The following RNF213 variants were observed in gnomAD, a reference collection of about 807,000 sequenced individuals.
RNF213 encodes the protein ring finger protein 213.
Under a neutral mutation model 514.4 loss-of-function variants are expected in RNF213, and 341 were observed. The ratio of observed to expected loss-of-function variants is 0.66; its 90% CI spans 0.61 to 0.73. The LOEUF (loss-of-function observed/expected upper bound fraction) is 0.73, where lower values mean the gene tolerates loss of function less well. Among genes scored for constraint, RNF213 ranks in the 30% least tolerant of loss-of-function variants. The pLI, the probability that RNF213 is intolerant of heterozygous loss-of-function variation, is 0.00. For synonymous variants in RNF213, 2,655 were observed against 2,658.2 expected (o/e 1.00, Z 0.04); for missense variants, 5,767 against 6,615.6 (o/e 0.87, Z 4.45).
Position 80,278,759 on chromosome 17 carries a change from A to G in RNF213, c.261+5355A>G, listed in dbSNP as rs766192207. The G allele has an allele frequency of 2.0e-6, 3 of 1,537,114 alleles. 1 individual carries two copies. In the South Asian group the frequency reaches 3.6e-5, roughly 18 times the overall value. On this transcript the variant is annotated intron_variant, in intron 3 of 67. Transcript: ENST00000582970. ...CCCTGTCTGAAGGGGGTCGTGTTTC[A>G]ACAGGGAGCTACATCAGAGGTTTTG...
At chr17:80,337,006 C>T (rs1408079977) in intron 23 of RNF213, 1 of 165,254 alleles carries the variant, frequency 6.1e-6, no homozygotes, top group African/African-American at 2.4e-5. Context: ...CTGGGCCAGC[C>T]TCCGGACGGC....
chr17:80,363,320 G>A lies in RNF213; in HGVS notation c.11568+6G>A, dbSNP rs780258653. 11 of 1,612,512 alleles carry A rather than the reference G, an allele frequency of 6.8e-6. No individual in the cohort carries two copies. Among genetic ancestry groups the A allele is most frequent in the Non-Finnish European group, 9.3e-6 (11 of 1,179,290 alleles). ...AGCTGGCTGGATGTGAGATGGTATG[G>A]CCCTCCTCCGCCTGCCCTGAGCAAG... is the stretch of plus-strand genomic sequence containing the variant. On this transcript the variant is annotated splice_donor_region_variant and intron_variant, in intron 40 of 67. Transcript: ENST00000582970.
intron 41 of RNF213, among the ~76,000 whole-genome samples, chr17:80,364,124 A>G (rs376794931): frequency 6.6e-6 from 1 of 152,304 alleles, no homozygotes; most frequent in South Asian, 2.1e-4. Context: ...ACAGGCCCTC[A>G]GGGCCAGAGT....
chr17:80,280,842 A>T (rs552383588), intron 3 of RNF213, among the ~76,000 whole-genome samples: 27 of 152,174 alleles, frequency 1.8e-4, no homozygotes, highest in African/African-American at 6.3e-4. Context: ...TGGATGGGAG[A>T]TTTATAGTAA....
intron 8 of RNF213, 106 bp downstream of exon 8, chr17:80,291,933 G>A (rs2044745888): frequency 3.2e-6 from 4 of 1,246,108 alleles, no homozygotes; most frequent in Non-Finnish European, 3.4e-6. Flanking sequence ...CCTGGGCAGT[G>A]AGGTCCTCTT....
intron 11 of RNF213, among the ~76,000 whole-genome samples, chr17:80,304,873 A>G (rs2045303943): frequency 6.7e-6 from 1 of 148,798 alleles, no homozygotes. Context: ...CGACCTCCAC[A>G]CTCCCCCTCC....
At chr17:80,376,216 T>G in intron 51 of RNF213, 85 bp from the exon 52 acceptor site, 1 of 1,459,652 alleles carries the variant, frequency 6.9e-7, no homozygotes, top group Non-Finnish European at 9.6e-7. Flanking sequence ...TGATATTTGA[T>G]GTGTATTTGG....
chr17:80,319,042 C>T, intron 16 of RNF213, 148 bp from the exon 17 acceptor site: 1 of 1,561,008 alleles, frequency 6.4e-7, no homozygotes, highest in Non-Finnish European at 8.7e-7. Flanking sequence ...GCAGGGAGGA[C>T]ATGCTTTGCG....
intron 39 of RNF213, among the ~76,000 whole-genome samples, 169 bp from the exon 40 acceptor site, chr17:80,362,933 G>A (rs958013487): frequency 2.0e-5 from 3 of 152,212 alleles, no homozygotes; most frequent in African/African-American, 2.4e-5. Flanking sequence ...TGACCTTAAC[G>A]TGGGAGGAGA....
Position 80,317,130 on chromosome 17 carries a change from G to A in RNF213, c.2812-58G>A. On this transcript the variant is annotated intron_variant, in intron 15 of 67. Coordinates refer to ENST00000582970, the MANE Select transcript of RNF213 (RefSeq NM_001256071.3). This position sits in a 1 kb window ranked among gnomAD's most constrained non-coding sequence, Gnocchi z 4.1. ...ATGCTCTGTCTTTCTCCTTTCATGG[G>A]AGTGTGCCGTGGCATTTAGTCGTGA... 1 of 1,546,326 alleles carries A rather than the reference G, an allele frequency of 6.5e-7. No individual in the cohort carries two copies. Among genetic ancestry groups the A allele is most frequent in the South Asian group, 1.2e-5 (1 of 86,436 alleles).
intron 2 of RNF213, among the ~76,000 whole-genome samples, chr17:80,271,642 C>T (rs539458718): frequency 2.0e-5 from 3 of 152,298 alleles, no homozygotes; most frequent in Admixed American, 6.5e-5. Flanking sequence ...AGGGTGTTTT[C>T]GTCCATTTTC....
In RNF213 at chr17:80,393,643, C is replaced by T; in HGVS notation, c.*145C>T. The T allele has an allele frequency of 1.2e-6, 1 of 823,398 alleles. No individual in the cohort carries two copies. The highest frequency in any genetic ancestry group is 1.7e-5 in the South Asian group (1 of 59,826). The allele number at this position is 823,398 out of a possible 1,614,324, so 51.0% of individuals were successfully genotyped here. A position where few individuals can be genotyped will look rare whatever the true frequency, so the allele number is the denominator to read the frequency against. On this transcript the variant is annotated 3_prime_UTR_variant, in exon 68 of 68. Transcript: ENST00000582970. ...GCACCGAATTCAAGACCAAGGCGTG[C>T]TACCTGAGCTGACAGCTTTTTGAAA...
intron 60 of RNF213, 27 bp downstream of exon 60, chr17:80,385,198 G>A (rs1331060522): frequency 1.9e-6 from 3 of 1,613,672 alleles, no homozygotes; most frequent in South Asian, 1.1e-5. Flanking sequence ...ACAGGACCAG[G>A]ACTGTCCCGC....
chr17:80,264,163 C>T lies in RNF213; in HGVS notation c.97+385C>T, dbSNP rs2043527888. Among the ~76,000 whole-genome samples, 1 of 152,200 alleles carries T rather than the reference C, an allele frequency of 6.6e-6. No individual in the cohort carries two copies. Among genetic ancestry groups the T allele is most frequent in the African/African-American group, 2.4e-5 (1 of 41,470 alleles). ...CTTTTGAAAATTTTCAGTTTCATTT[C>T]CTAGAGAGAGCTCACGGTTTTTCTT... On this transcript the variant is annotated intron_variant, in intron 2 of 67. Transcript: ENST00000582970. The surrounding 1 kb of genome is among the most constrained non-coding windows in gnomAD (Gnocchi z 5.0).
At chr17:80,385,007 A>C (rs774897347) in intron 59 of RNF213, 32 bp from the exon 60 acceptor site, 1 of 1,613,692 alleles carries the variant, frequency 6.2e-7, no homozygotes, top group East Asian at 2.2e-5. Flanking sequence ...AGGTAAATAA[A>C]AATTGTTACT....
chr17:80,313,834 T>A (rs1338183673), intron 15 of RNF213, among the ~76,000 whole-genome samples: 8 of 52,322 alleles, frequency 1.5e-4, no homozygotes, highest in Non-Finnish European at 2.8e-4. Flanking sequence ...GTGGTGGAGG[T>A]GATGGTGGAG....
intron 11 of RNF213, among the ~76,000 whole-genome samples, chr17:80,303,100 C>T (rs2045235363): frequency 6.6e-6 from 1 of 152,190 alleles, no homozygotes; most frequent in Non-Finnish European, 1.5e-5. Flanking sequence ...CAAGGCACAG[C>T]GTGTACAGCA....
rs1221561363 is a variant in RNF213, at chr17:80,290,579, C to A, written c.1122C>A (p.Ser374Arg). Residue 374 changes from serine to arginine, a missense_variant, in exon 7 of 68, where the codon AGC becomes AGA. Ser to Arg is a moderately radical substitution (Grantham distance 110). This residue lies in a region of RNF213 where 509 missense variants were observed against 496.7 expected (regional missense o/e 1.02). Coordinates refer to ENST00000582970, the MANE Select transcript of RNF213 (RefSeq NM_001256071.3). Reference protein sequence around the residue: ...DVQEVKASTLSPGGGVTVFFH... With the variant: ...DVQEVKASTLRPGGGVTVFFH... ...TTTGGTTTTCCACCAGCACGCTGAG[C>A]CCGGGTGGAGGAGTCACCGTGTTCT... 6.2e-7 allele frequency: 1 copy of A among 1,613,940 alleles called. No homozygotes were observed. Among genetic ancestry groups the A allele is most frequent in the South Asian group, 1.1e-5 (1 of 91,062 alleles).
chr17:80,349,633 GT>G, intron 29 of RNF213, 136 bp from the exon 30 acceptor site: 1 of 1,026,318 alleles, frequency 9.7e-7, no homozygotes, highest in East Asian at 2.4e-5. Flanking sequence ...ACTCCTTTGG[GT>G]TTGGATTCTG....
Sources: gnomAD v4.1 joint callset for allele counts (sites outside exome capture counted in the v4.1 genomes callset) on GRCh38, gnomAD v4.1.1 for gene constraint, gnomAD v4.1.1 regional missense constraint, Gnocchi (gnomAD v3.1) non-coding constraint, MANE v1.5 for transcripts, NCBI Gene and HGNC (gene_info 2026-07-23, HGNC 2026-07-21) for gene names.